EIF2AK4: variants seen among roughly 807,000 people sequenced by gnomAD.
EIF2AK4 encodes eukaryotic translation initiation factor 2 alpha kinase 4.
A neutral mutation model predicts 211.1 loss-of-function variants in EIF2AK4; 139 were observed. The ratio of observed to expected loss-of-function variants is 0.66; its 90% CI spans 0.57 to 0.76. The LOEUF is 0.76. Among genes scored for constraint, EIF2AK4 ranks in the 30% least tolerant of loss-of-function variants. The pLI, the probability that EIF2AK4 is intolerant of heterozygous loss-of-function variation, is 0.00. For missense variants in EIF2AK4, 1,664 were observed against 2,043.8 expected, an observed-to-expected ratio of 0.81 and a Z score of 3.58; for synonymous variants, 710 against 751.3, an observed-to-expected ratio of 0.94 and a Z score of 0.90.
chr15:39,951,324 G>A, intron 4 of EIF2AK4: 1 of 176,888 alleles, frequency 5.7e-6, no homozygotes, highest in South Asian at 9.5e-5. Flanking sequence ...CCAAGTAGCT[G>A]GGATTACAGG....
intron 37 of EIF2AK4, 43 bp downstream of exon 37, chr15:40,032,844 C>A: frequency 6.4e-7 from 1 of 1,557,908 alleles, no homozygotes; most frequent in Non-Finnish European, 8.8e-7. Context: ...TTTAAGATCC[C>A]AAATCTTTGC....
At chr15:39,947,426 C>T (rs966924910) in intron 3 of EIF2AK4, among the ~76,000 whole-genome samples, 3 of 152,134 alleles carry the variant, frequency 2.0e-5, no homozygotes, top group African/African-American at 7.2e-5. Flanking sequence ...AATCTATACA[C>T]AGCTCTTTGT....
At position 39,976,576 on chromosome 15, in the gene EIF2AK4, C is replaced by G. The variant is rs770082929; in HGVS notation, c.1981C>G (p.Arg661Gly). The change falls in exon 12 of 39, where the codon CGG (arginine) becomes GGG (glycine). Residue 661 changes from arginine (R) to glycine (G), a missense_variant. Coordinates refer to ENST00000263791, the MANE Select transcript of EIF2AK4 (RefSeq NM_001013703.4). ...YYNAWIERHE[R>G]PAGPGTPPPD... ...CAACGCCTGGATCGAGCGGCACGAG[C>G]GGCCGGCGGGACCGGGGACGCCGCC... 2 of 1,611,434 alleles carry G rather than the reference C, an allele frequency of 1.2e-6. No homozygotes were observed. Among genetic ancestry groups the G allele is most frequent in the Admixed American group, 3.3e-5 (2 of 59,906 alleles).
chr15:40,003,105 C>CT, intron 22 of EIF2AK4, 88 bp from the exon 23 acceptor site: 1 of 1,548,648 alleles, frequency 6.5e-7, no homozygotes, highest in Non-Finnish European at 8.7e-7. Context: ...GTAGCAATTA[C>CT]TTAACTGTCA....
intron 9 of EIF2AK4, among the ~76,000 whole-genome samples, chr15:39,971,498 T>G (rs111784634): frequency 0.018 from 2,720 of 152,220 alleles, 93 homozygotes; most frequent in African/African-American, 0.062. Context: ...GCCACTGCAC[T>G]CCAGCCTGGG....
chr15:39,993,048 CCATCCATCCATCCATCCATCCATCCATT>C lies in EIF2AK4; in HGVS notation c.2766+228_2766+255del, dbSNP rs746192450. ...GCTTACAGTCCATCCATCCATCCAT[CCATCCATCCATCCATCCATCCATCCATT>C]CATCCATCCATCCATCCATCCATCC... On this transcript the variant is annotated intron_variant, in intron 18 of 38. Coordinates refer to ENST00000263791, the MANE Select transcript of EIF2AK4 (RefSeq NM_001013703.4). Among the ~76,000 whole-genome samples, 9,866 of 146,718 alleles carry C rather than the reference CCATCCATCCATCCATCCATCCATCCATT, an allele frequency of 0.067. 394 individuals are homozygous for C. Among genetic ancestry groups the C allele is most frequent in the Non-Finnish European group, 0.098 (6,388 of 65,094 alleles).
chr15:40,031,914 C>T (rs1198965614), intron 35 of EIF2AK4, among the ~76,000 whole-genome samples: 6 of 152,142 alleles, frequency 3.9e-5, no homozygotes, highest in Middle Eastern at 6.3e-3. Context: ...TCAGTAGAGA[C>T]GGGGTTTCAC....
chr15:39,958,802 A>G (rs976315772), intron 6 of EIF2AK4, among the ~76,000 whole-genome samples: 1 of 152,138 alleles, frequency 6.6e-6, no homozygotes, highest in African/African-American at 2.4e-5. Flanking sequence ...CTGCCCCAAC[A>G]TCTACACATT....
chr15:40,015,408 G>T (rs2035290884), intron 27 of EIF2AK4, among the ~76,000 whole-genome samples: 1 of 152,192 alleles, frequency 6.6e-6, no homozygotes, highest in African/African-American at 2.4e-5. Context: ...TGTCTTACAT[G>T]GTTGGCAGCA....
intron 13 of EIF2AK4, among the ~76,000 whole-genome samples, chr15:39,984,040 G>A (rs1249233138): frequency 3.3e-5 from 5 of 152,298 alleles, no homozygotes; most frequent in Middle Eastern, 3.4e-3. Context: ...AAGGTGTAAG[G>A]AAGGGATTTG....
chr15:40,032,056 C>A, intron 35 of EIF2AK4, 113 bp from the exon 36 acceptor site: 1 of 926,852 alleles, frequency 1.1e-6, no homozygotes, highest in Non-Finnish European at 1.7e-6. Context: ...CATTTGGAAT[C>A]CTTTCTAGGC....
At chr15:40,011,409 C>T (rs865790479) in intron 27 of EIF2AK4, 63 bp downstream of exon 27, 2 of 1,438,438 alleles carry the variant, frequency 1.4e-6, no homozygotes, top group South Asian at 1.2e-5. Context: ...CAGAAAATGT[C>T]ATCAAATTCT....
At position 39,976,782 on chromosome 15, in the gene EIF2AK4, C is replaced by T; in HGVS notation, c.2187C>T (p.Gly729=). The change falls in exon 12 of 39, where the codon GGC becomes GGT. Residue 729 remains glycine, a synonymous_variant. Transcript: ENST00000263791. ...ASARFPATGP[G]SSDDEDDDED... ...CCCGTTTCCCCGCCACCGGCCCGGG[C>T]TCCAGCGATGACGAGGACGACGACG... The T allele has an allele frequency of 6.3e-7, 1 of 1,585,610 alleles. No individual in the cohort carries two copies. Among genetic ancestry groups the T allele is most frequent in the Non-Finnish European group, 8.6e-7 (1 of 1,169,334 alleles).
In EIF2AK4 at chr15:40,001,329, T is replaced by C. The variant is rs2307102; in HGVS notation, c.3159+105T>C. On this transcript the variant is annotated intron_variant, in intron 21 of 38. Coordinates refer to ENST00000263791, the MANE Select transcript of EIF2AK4 (RefSeq NM_001013703.4). The stretch of plus-strand genomic sequence containing the variant: ...AATGCCTCTAACATAAGTTCTTATG[T>C]GAGGTATTGGAAGCCCCTAAAAGTA... 46,709 of 1,166,822 alleles carry C rather than the reference T, an allele frequency of 0.04. 1,853 individuals are homozygous for C. The highest frequency in any genetic ancestry group is 0.22 in the East Asian group (9,073 of 41,082). The allele number at this position is 1,166,822 out of a possible 1,614,324, so 72.3% of individuals were successfully genotyped here.
At chr15:40,001,914 A>G (rs2035098152) in intron 21 of EIF2AK4, among the ~76,000 whole-genome samples, 2 of 152,196 alleles carry the variant, frequency 1.3e-5, no homozygotes, top group South Asian at 4.1e-4. Context: ...GTTTGGGAAG[A>G]CTTTAACATT....
chr15:39,947,971 A>T (rs1280348508), intron 3 of EIF2AK4, among the ~76,000 whole-genome samples: 2 of 152,248 alleles, frequency 1.3e-5, no homozygotes. Flanking sequence ...TCTCTTTGAC[A>T]TGATAGAAAT....
intron 2 of EIF2AK4, among the ~76,000 whole-genome samples, chr15:39,940,557 T>A (rs545516467): frequency 3.3e-5 from 5 of 152,300 alleles, no homozygotes; most frequent in African/African-American, 1.2e-4. Context: ...AAAACTGTCC[T>A]GAGAGTATTA....
In EIF2AK4 at chr15:39,961,772, T is replaced by G; in HGVS notation, c.744-12T>G. On this transcript the variant is annotated splice_polypyrimidine_tract_variant and intron_variant, in intron 6 of 38. Transcript: ENST00000263791. ...TGATTGTTCAAATGTATTGTTCAAA[T>G]TTATTTTTAAGGCGAGAACGTCAGT... 1 of 1,595,928 alleles carries G rather than the reference T, an allele frequency of 6.3e-7. No individual in the cohort carries two copies. Among genetic ancestry groups the G allele is most frequent in the Admixed American group, 1.7e-5 (1 of 58,478 alleles).
At chr15:39,978,828 C>T (rs566533334) in intron 13 of EIF2AK4, among the ~76,000 whole-genome samples, 26 of 152,108 alleles carry the variant, frequency 1.7e-4, no homozygotes, top group African/African-American at 5.1e-4. Context: ...TTGAAAAATA[C>T]GAGTACAGAT....
Sources: gnomAD v4.1 joint callset for allele counts (sites outside exome capture counted in the v4.1 genomes callset) on GRCh38, gnomAD v4.1.1 for gene constraint, MANE v1.5 for transcripts, NCBI Gene and HGNC (gene_info 2026-07-23, HGNC 2026-07-21) for gene names.